The following C4orf51 variants were observed in gnomAD, a reference collection of about 807,000 sequenced individuals.
C4orf51 encodes chromosome 4 open reading frame 51.
C4orf51 carries 25 observed loss-of-function variants against 25.2 expected under a neutral mutation model. That is an observed-to-expected ratio of 0.99 (90% confidence interval 0.72 to 1.39). The LOEUF is 1.39. Among genes scored for constraint, C4orf51 ranks in the 40% most tolerant of loss-of-function variants. The pLI, the probability that C4orf51 is intolerant of heterozygous loss-of-function variation, is 0.00. For synonymous variants in C4orf51, 100 were observed against 84.5 expected (o/e 1.18, Z -1.01); for missense variants, 252 against 239.6 (o/e 1.05, Z -0.34).
rs149073990 is a variant in C4orf51, at chr4:145,680,228, C to G, written c.25C>G (p.Pro9Ala). 5.3e-5 allele frequency: 86 copies of G among 1,613,750 alleles called. No individual in the cohort carries two copies. In the East Asian group the frequency reaches 1.6e-3, roughly 30 times the overall value. ...TATGTCACACTACTTCTACTTGACT[C>G]CACAAATTCTTCTGCCCTTTAGCCC... MSHYFYLT[P>A]QILLPFSPLT... The change falls in exon 1 of 6, where the codon CCA becomes GCA. Residue 9 changes from proline to alanine, a missense_variant. By Grantham distance (27) the Pro-to-Ala change is conservative. Coordinates refer to ENST00000438731, the MANE Select transcript of C4orf51 (RefSeq NM_001080531.3).
intron 1 of C4orf51, among the ~76,000 whole-genome samples, chr4:145,767,611 C>T (rs1735503869): frequency 6.6e-6 from 1 of 152,022 alleles, no homozygotes; most frequent in African/African-American, 2.4e-5. Context: ...CTGAAAGTAG[C>T]CAGAGGAAGA....
chr4:145,753,136 G>C (rs1733767005), intron 1 of C4orf51, among the ~76,000 whole-genome samples: 1 of 114,128 alleles, frequency 8.8e-6, no homozygotes, highest in African/African-American at 3.7e-5. Context: ...TCTTTATGAA[G>C]GTTTTGTGTG....
chr4:145,729,251 T>C, intron 4 of C4orf51, 22 bp downstream of exon 4: 2 of 1,480,414 alleles, frequency 1.4e-6, no homozygotes, highest in Non-Finnish European at 1.9e-6. Context: ...CCTGAACTAC[T>C]ACTTTACATC....
At position 145,763,006 on chromosome 4, in the gene C4orf51, C is replaced by A; in HGVS notation, n.167-7982C>A. 7.5e-7 allele frequency: 1 copy of A among 1,335,946 alleles called. No homozygotes were observed. Among genetic ancestry groups the A allele is most frequent in the South Asian group, 1.3e-5 (1 of 75,568 alleles). 82.8% of individuals were successfully genotyped at this position (1,335,946 alleles called of 1,614,324 possible). ...CGCCGTTAGCCTTTGAACCTCAGCT[C>A]ACAGAAGAGTGCACACGAGAGAAAT... is the stretch of plus-strand genomic sequence containing the variant. On this transcript the variant is annotated intron_variant and non_coding_transcript_variant, in intron 1 of 1. Transcript: ENST00000510096. The surrounding 1 kb of genome is among the most constrained non-coding windows in gnomAD (Gnocchi z 4.6).
chr4:145,753,172 GT>G (rs1733774841), intron 1 of C4orf51, among the ~76,000 whole-genome samples: 10 of 141,894 alleles, frequency 7.0e-5, no homozygotes, highest in Non-Finnish European at 1.4e-4. Flanking sequence ...GTGTGTGTGT[GT>G]GTGTGTAGTT....
chr4:145,724,192 G>A (rs576775297), intron 2 of C4orf51, among the ~76,000 whole-genome samples: 1 of 152,286 alleles, frequency 6.6e-6, no homozygotes, highest in Admixed American at 6.5e-5. Flanking sequence ...CAAAAAGCTA[G>A]TTAAGCCTCT....
At chr4:145,696,778 C>T in intron 2 of C4orf51, 146 bp downstream of exon 2, 2 of 617,376 alleles carry the variant, frequency 3.2e-6, no homozygotes, top group Non-Finnish European at 5.6e-6. Context: ...CACACCTGTA[C>T]TCTCAGTACT....
downstream of C4orf51, among the ~76,000 whole-genome samples, chr4:145,733,998 G>C (rs1241012870): frequency 6.6e-6 from 1 of 152,160 alleles, no homozygotes; most frequent in African/African-American, 2.4e-5. Context: ...TTCATCATTT[G>C]TTTTTTACTA....
At chr4:145,683,977 A>T (rs1376638957) in intron 1 of C4orf51, among the ~76,000 whole-genome samples, 1 of 152,248 alleles carries the variant, frequency 6.6e-6, no homozygotes, top group African/African-American at 2.4e-5. Flanking sequence ...CACAGACTGG[A>T]AGGAAATATT....
At chr4:145,719,101 T>C (rs1048740104) in intron 2 of C4orf51, among the ~76,000 whole-genome samples, 5 of 152,186 alleles carry the variant, frequency 3.3e-5, no homozygotes, top group Non-Finnish European at 5.9e-5. Flanking sequence ...AACTTGTCTG[T>C]CTTGTCTTTG....
At chr4:145,756,490 A>G (rs929912274), downstream of C4orf51, among the ~76,000 whole-genome samples, 10 of 152,174 alleles carry the variant, frequency 6.6e-5, no homozygotes, top group Non-Finnish European at 1.5e-4. Context: ...TTTCCAGACC[A>G]TTTCTCAAAG....
chr4:145,680,254 TCTTA>T lies in C4orf51; in HGVS notation c.55_58del (p.Thr19LeufsTer6). The T allele has an allele frequency of 6.2e-7, 1 of 1,614,000 alleles. No individual in the cohort carries two copies. Among genetic ancestry groups the T allele is most frequent in the Non-Finnish European group, 8.5e-7 (1 of 1,179,864 alleles). The stretch of plus-strand genomic sequence containing the variant: ...CACAAATTCTTCTGCCCTTTAGCCC[TCTTA>T]CTTCTCAAGAGTTTGATCTGATCAG... On this transcript the variant is annotated frameshift_variant, in exon 1 of 6. Coordinates refer to ENST00000438731, the MANE Select transcript of C4orf51 (RefSeq NM_001080531.3). LOFTEE classifies it high-confidence loss of function.
intron 1 of C4orf51, among the ~76,000 whole-genome samples, chr4:145,693,946 A>C: frequency 6.9e-6 from 1 of 144,388 alleles, no homozygotes; most frequent in Non-Finnish European, 1.5e-5. Context: ...CACTTCCCAG[A>C]TGGGGTGGCT....
At chr4:145,778,429 C>T in the C4orf51 span, among the ~76,000 whole-genome samples, 10 of 152,102 alleles carry the variant, frequency 6.6e-5, no homozygotes, top group African/African-American at 9.7e-5. Context: ...CCATCGCGCC[C>T]GACAACAAAA....
chr4:145,747,538 C>T (rs1210388442), intron 1 of C4orf51, among the ~76,000 whole-genome samples: 2 of 151,998 alleles, frequency 1.3e-5, no homozygotes, highest in South Asian at 2.1e-4. Context: ...GTTTACATTC[C>T]TGAGATAAAT....
intron 2 of C4orf51, among the ~76,000 whole-genome samples, chr4:145,708,481 C>T (rs1224569024): frequency 1.3e-5 from 2 of 152,162 alleles, no homozygotes; most frequent in African/African-American, 4.8e-5. Flanking sequence ...GAGGTGTCCC[C>T]TCTTACTTTC....
intron 1 of C4orf51, among the ~76,000 whole-genome samples, chr4:145,746,112 G>A (rs1733358928): frequency 6.6e-6 from 1 of 152,004 alleles, no homozygotes; most frequent in African/African-American, 2.4e-5. Flanking sequence ...TATATATTCT[G>A]ATTACTAATC....
chr4:145,776,582 T>C, the C4orf51 span, among the ~76,000 whole-genome samples: 2 of 152,066 alleles, frequency 1.3e-5, no homozygotes, highest in East Asian at 3.9e-4. Context: ...CAAAAGAATA[T>C]TCTGTGAGTG....
In C4orf51 at chr4:145,761,703, G is replaced by A. The variant is rs1734531257; in HGVS notation, n.167-9285G>A. 4 of 726,358 alleles carry A rather than the reference G, an allele frequency of 5.5e-6. No homozygotes were observed. In the Admixed American group the frequency reaches 1.3e-4, roughly 23 times the overall value. 45.0% of individuals were successfully genotyped at this position (726,358 alleles called of 1,614,324 possible). On this transcript the variant is annotated intron_variant and non_coding_transcript_variant, in intron 1 of 1. Transcript: ENST00000510096. This position sits in a 1 kb window ranked among gnomAD's most constrained non-coding sequence, Gnocchi z 6.8. Reference sequence around the variant, plus strand: ...TCCCTCACACCACCCCCCAGTGTCTGAGGCCTGGCCTGCCCAGCCCAGCCC... The same window carrying A: ...TCCCTCACACCACCCCCCAGTGTCTAAGGCCTGGCCTGCCCAGCCCAGCCC...
Sources: gnomAD v4.1 joint callset for allele counts (sites outside exome capture counted in the v4.1 genomes callset) on GRCh38, gnomAD v4.1.1 for gene constraint, Gnocchi (gnomAD v3.1) non-coding constraint, MANE v1.5 for transcripts, NCBI Gene and HGNC (gene_info 2026-07-23, HGNC 2026-07-21) for gene names.